The following XPO6 variants were observed in gnomAD, a reference collection of about 807,000 sequenced individuals.
XPO6 encodes the protein exportin-6.
XPO6 carries 3 observed loss-of-function variants against 130.0 expected under a neutral mutation model. The ratio of observed to expected loss-of-function variants is 0.02; its 90% CI spans 0.01 to 0.06. XPO6 has a LOEUF of 0.06. Ranked by LOEUF, XPO6 falls within the 10% of genes least tolerant of loss-of-function variation. The pLI is 1.00. For synonymous variants in XPO6, 524 were observed against 548.9 expected (o/e 0.95, Z 0.63); for missense variants, 970 against 1,393.0 (o/e 0.70, Z 4.83).
At chr16:28,108,724 G>A (rs1192666153) in intron 17 of XPO6, among the ~76,000 whole-genome samples, 1 of 152,166 alleles carries the variant, frequency 6.6e-6, no homozygotes, top group African/African-American at 2.4e-5. Flanking sequence ...AGCAGTCTCT[G>A]GGTCCCCCGA....
intron 8 of XPO6, among the ~76,000 whole-genome samples, chr16:28,151,773 A>T (rs780986719): frequency 6.6e-6 from 1 of 152,226 alleles, no homozygotes; most frequent in Non-Finnish European, 1.5e-5. Context: ...CACGCCTGTA[A>T]CACTGGCACT....
intron 1 of XPO6, among the ~76,000 whole-genome samples, chr16:28,206,441 G>A (rs533934763): frequency 6.6e-6 from 1 of 152,274 alleles, no homozygotes; most frequent in South Asian, 2.1e-4. Flanking sequence ...CAGCTACTGA[G>A]GAGGCTGAGG....
intron 12 of XPO6, among the ~76,000 whole-genome samples, chr16:28,130,031 C>T (rs1458709197): frequency 2.0e-5 from 3 of 152,214 alleles, no homozygotes; most frequent in African/African-American, 7.2e-5. Context: ...GCCAGAGCAG[C>T]ACAGAGCAAC....
At chr16:28,108,870 C>T (rs1328653111) in intron 17 of XPO6, among the ~76,000 whole-genome samples, 1 of 152,222 alleles carries the variant, frequency 6.6e-6, no homozygotes, top group East Asian at 1.9e-4. Flanking sequence ...GGATAGAGAG[C>T]ATCGCCCCAC....
At chr16:28,158,031 A>G (rs1254445374) in intron 6 of XPO6, among the ~76,000 whole-genome samples, 7 of 146,988 alleles carry the variant, frequency 4.8e-5, no homozygotes, top group Non-Finnish European at 1.1e-4. Flanking sequence ...TCACACAGTG[A>G]GCAGAAGTAG....
At chr16:28,209,535 G>A (rs758759563) in intron 1 of XPO6, among the ~76,000 whole-genome samples, 2 of 151,432 alleles carry the variant, frequency 1.3e-5, no homozygotes, top group African/African-American at 4.9e-5. Context: ...AGCTACTCGG[G>A]AGGCTGAGGC....
At chr16:28,121,527 T>A in intron 14 of XPO6, 143 bp downstream of exon 14, 2 of 701,250 alleles carry the variant, frequency 2.9e-6, no homozygotes, top group East Asian at 5.0e-5. Flanking sequence ...CAAAAAAATC[T>A]CTCTCTCTTT....
chr16:28,153,586 G>T, intron 7 of XPO6: 1 of 985,346 alleles, frequency 1.0e-6, no homozygotes, highest in Non-Finnish European at 1.2e-6. Context: ...AAGGATAAGA[G>T]ATCTCTGTTA....
Position 28,101,756 on chromosome 16 carries a change from T to C in XPO6, c.3046-68A>G. ...GGCCTGTCCCGGGTCCCATCCACTT[T>C]CTGTCACACTCTCCAGTGAGTAACC... is the stretch of plus-strand genomic sequence containing the variant. On this transcript the variant is annotated intron_variant, in intron 22 of 23. Coordinates refer to ENST00000304658, the MANE Select transcript of XPO6 (RefSeq NM_015171.4). The surrounding 1 kb of genome is among the most constrained non-coding windows in gnomAD (Gnocchi z 5.4). The C allele has an allele frequency of 2.5e-6, 4 of 1,582,304 alleles. No individual in the cohort carries two copies. The highest frequency in any genetic ancestry group is 3.5e-6 in the Non-Finnish European group (4 of 1,159,140).
intron 1 of XPO6, among the ~76,000 whole-genome samples, chr16:28,204,012 C>T (rs2043989116): frequency 6.6e-6 from 1 of 152,180 alleles, no homozygotes; most frequent in African/African-American, 2.4e-5. Flanking sequence ...TCTTCACATC[C>T]TTCTCTTCTG....
chr16:28,131,561 T>C (rs553562341), intron 12 of XPO6, among the ~76,000 whole-genome samples: 3 of 152,336 alleles, frequency 2.0e-5, no homozygotes, highest in African/African-American at 7.2e-5. Flanking sequence ...GAATGTCAGA[T>C]GTTAGCTATT....
At chr16:28,124,313 C>T (rs2087334483) in intron 13 of XPO6, among the ~76,000 whole-genome samples, 1 of 152,222 alleles carries the variant, frequency 6.6e-6, no homozygotes, top group African/African-American at 2.4e-5. Context: ...CCGCCTCAGC[C>T]TCCCAAAGTG....
At chr16:28,107,807 C>T in intron 17 of XPO6, 130 bp from the exon 18 acceptor site, 6 of 1,008,682 alleles carry the variant, frequency 5.9e-6, no homozygotes, top group Non-Finnish European at 8.8e-6. Context: ...ACTAAAGGAA[C>T]AGTCTCTTGA....
chr16:28,137,919 G>A lies in XPO6; in HGVS notation c.1335-2595C>T, dbSNP rs59161222. 7.9e-3 allele frequency among the ~76,000 whole-genome samples: 1,204 copies of A among 151,958 alleles called. 19 individuals are homozygous for A. Among genetic ancestry groups the A allele is most frequent in the African/African-American group, 0.028 (1,146 of 41,404 alleles). ...TCTGTTGTTGCCATCCTATGTCCAC[G>A]AGCACCCACTATTTAGCTCCCGACA... On this transcript the variant is annotated intron_variant, in intron 9 of 23. Coordinates refer to ENST00000304658, the MANE Select transcript of XPO6 (RefSeq NM_015171.4).
rs1157301842 is a variant in XPO6 at position 28,133,742 on chromosome 16, G to C, written c.1536+99C>G. 5.8e-6 allele frequency: 6 copies of C among 1,039,700 alleles called. No individual in the cohort carries two copies. The Admixed American group carries it at 1.3e-4, about 22-fold the overall frequency. 64.4% of individuals were successfully genotyped at this position (1,039,700 alleles called of 1,614,324 possible). ...CTGTTTTTAAAAATTACATAGAGGG[G>C]AAAGAGGGGAGAGAGAGAGAGATCC... On this transcript the variant is annotated intron_variant, in intron 11 of 23. Transcript: ENST00000304658.
intron 5 of XPO6, among the ~76,000 whole-genome samples, chr16:28,167,796 A>C (rs139245211): frequency 6.6e-5 from 10 of 152,332 alleles, no homozygotes; most frequent in African/African-American, 2.2e-4. Flanking sequence ...TCTTGAAAGC[A>C]TTATGTTAAG....
chr16:28,193,550 C>G (rs2043815125), intron 1 of XPO6, among the ~76,000 whole-genome samples: 1 of 152,172 alleles, frequency 6.6e-6, no homozygotes, highest in African/African-American at 2.4e-5. Context: ...TCCATCCCTC[C>G]ACCCCACTGG....
chr16:28,166,471 A>T lies in XPO6; in HGVS notation c.643+37T>A, dbSNP rs762108848. 9 of 1,554,304 alleles carry T rather than the reference A, an allele frequency of 5.8e-6. No homozygotes were observed. The Middle Eastern group carries it at 6.7e-4, about 115-fold the overall frequency. Reference sequence around the variant, plus strand: ...ACCACACCTGGCCCCCAATACATTTAAAAAGAAGAATGCCTTGGCTGGCAG... The same window carrying T: ...ACCACACCTGGCCCCCAATACATTTTAAAAGAAGAATGCCTTGGCTGGCAG... On this transcript the variant is annotated intron_variant, in intron 6 of 23. Transcript: ENST00000304658.
At chr16:28,167,022 G>A in intron 5 of XPO6, 1 of 646,122 alleles carries the variant, frequency 1.5e-6, no homozygotes, top group Non-Finnish European at 1.9e-6. Context: ...CTGCCCATGA[G>A]TCATTTAAAC....
Sources: gnomAD v4.1 joint callset for allele counts (sites outside exome capture counted in the v4.1 genomes callset) on GRCh38, gnomAD v4.1.1 for gene constraint, Gnocchi (gnomAD v3.1) non-coding constraint, MANE v1.5 for transcripts, NCBI Gene and HGNC (gene_info 2026-07-23, HGNC 2026-07-21) for gene names.